TRIM2: variants seen among roughly 807,000 people sequenced by gnomAD.
TRIM2 encodes the protein tripartite motif-containing protein 2.
Under a neutral mutation model 75.2 loss-of-function variants are expected in TRIM2, and 20 were observed. The ratio of observed to expected loss-of-function variants is 0.27; its 90% CI spans 0.19 to 0.39. The LOEUF (loss-of-function observed/expected upper bound fraction) is 0.39. TRIM2 is among the 10% of genes least tolerant of loss of function. TRIM2 has a pLI of 1.00. For missense variants in TRIM2, 660 were observed against 990.8 expected, an observed-to-expected ratio of 0.67 and a Z score of 4.48; for synonymous variants, 373 against 388.3, an observed-to-expected ratio of 0.96 and a Z score of 0.46.
intron 1 of TRIM2, among the ~76,000 whole-genome samples, chr4:153,168,075 A>G (rs915826284): frequency 6.6e-6 from 1 of 152,204 alleles, no homozygotes; most frequent in Non-Finnish European, 1.5e-5. Context: ...AGCTACTTAT[A>G]AGTAAACATT....
Position 153,167,215 on chromosome 4 carries a change from G to A in TRIM2, c.-49+13945G>A, listed in dbSNP as rs368174934. Among the ~76,000 whole-genome samples the A allele has an allele frequency of 4.6e-5, 7 of 152,128 alleles. No homozygotes were observed. The South Asian group carries it at 8.3e-4, about 18-fold the overall frequency. On this transcript the variant is annotated intron_variant, in intron 1 of 11. Transcript: ENST00000437508. ...TTTGGATTTTATTTCTTTTCTTCACGGTCTATTAGTTTTGTACTGTAAGAA... is the reference window on the plus strand; with the variant it reads ...TTTGGATTTTATTTCTTTTCTTCACAGTCTATTAGTTTTGTACTGTAAGAA...
At chr4:153,159,158 C>A (rs776032064) in intron 1 of TRIM2, among the ~76,000 whole-genome samples, 1 of 152,212 alleles carries the variant, frequency 6.6e-6, no homozygotes, top group Non-Finnish European at 1.5e-5. Context: ...TAAAACGGAA[C>A]TGTATCTTAC....
chr4:153,160,967 C>A (rs927239719), intron 1 of TRIM2, among the ~76,000 whole-genome samples: 9 of 152,052 alleles, frequency 5.9e-5, no homozygotes, highest in African/African-American at 2.2e-4. Flanking sequence ...GGCTCACAAA[C>A]AATAATGACT....
intron 3 of TRIM2, among the ~76,000 whole-genome samples, chr4:153,284,518 G>A (rs1270884579): frequency 6.6e-6 from 1 of 152,232 alleles, no homozygotes; most frequent in African/African-American, 2.4e-5. Flanking sequence ...ACCACCAACT[G>A]TTTTCACAGT....
intron 1 of TRIM2, among the ~76,000 whole-genome samples, chr4:153,191,807 G>A (rs934893425): frequency 6.6e-6 from 1 of 152,136 alleles, no homozygotes; most frequent in African/African-American, 2.4e-5. Context: ...TGTTTAACAA[G>A]CCTTCCTATA....
At chr4:153,183,977 G>T (rs1456008764) in intron 1 of TRIM2, among the ~76,000 whole-genome samples, 1 of 152,132 alleles carries the variant, frequency 6.6e-6, no homozygotes, top group South Asian at 2.1e-4. Flanking sequence ...ACCTCATAGG[G>T]ATTAAATGGG....
intron 6 of TRIM2, chr4:153,308,512 A>AAAAAGTT (rs1765517974): frequency 7.9e-6 from 6 of 758,468 alleles, no homozygotes; most frequent in Non-Finnish European, 1.5e-5. Flanking sequence ...AAGTGCTGAT[A>AAAAAGTT]CAAGTTCCTT....
intron 1 of TRIM2, among the ~76,000 whole-genome samples, chr4:153,256,044 A>G (rs1579038300): frequency 6.6e-6 from 1 of 152,318 alleles, no homozygotes; most frequent in Non-Finnish European, 1.5e-5. Flanking sequence ...CTGTGGTAAT[A>G]GTTGCCCACA....
intron 1 of TRIM2, among the ~76,000 whole-genome samples, chr4:153,165,238 G>C (rs1054973327): frequency 6.6e-6 from 1 of 152,050 alleles, no homozygotes; most frequent in Non-Finnish European, 1.5e-5. Context: ...TCCTTGCTTG[G>C]TTTAATTCTG....
intron 1 of TRIM2, among the ~76,000 whole-genome samples, chr4:153,267,729 T>C (rs1010510176): frequency 6.6e-6 from 1 of 151,582 alleles, no homozygotes; most frequent in Non-Finnish European, 1.5e-5. Context: ...ATTAAACCTC[T>C]TTTCTTTCCT....
At chr4:153,322,280 G>T (rs529069742) in intron 8 of TRIM2, among the ~76,000 whole-genome samples, 2 of 152,118 alleles carry the variant, frequency 1.3e-5, no homozygotes, top group East Asian at 3.9e-4. Flanking sequence ...GCATGGTGGT[G>T]CACGCCTGTA....
intron 1 of TRIM2, among the ~76,000 whole-genome samples, chr4:153,226,087 C>T (rs1378597491): frequency 2.0e-5 from 3 of 152,130 alleles, no homozygotes; most frequent in African/African-American, 7.2e-5. Context: ...CCCAAGCTGT[C>T]CTTGAGCTCC....
Position 153,244,316 on chromosome 4 carries a change from C to T in TRIM2, c.31-26019C>T, listed in dbSNP as rs369725714. ...CCTCCTCCTCCTCCTCCTCCTCCTC[C>T]TCCTCTTCTTCTTCTTCTTCTTCTT... On this transcript the variant is annotated intron_variant, in intron 1 of 11. Coordinates refer to ENST00000338700, the MANE Select transcript of TRIM2 (RefSeq NM_015271.5). Among the ~76,000 whole-genome samples the T allele has an allele frequency of 5.7e-3, 149 of 26,338 alleles. 15 individuals carry two copies. The highest frequency in any genetic ancestry group is 0.011 in the South Asian group (5 of 464). 17.3% of individuals were successfully genotyped at this position (26,338 alleles called of 152,430 possible). A position where few individuals can be genotyped will look rare whatever the true frequency, so the allele number is the denominator to read the frequency against.
intron 1 of TRIM2, among the ~76,000 whole-genome samples, chr4:153,187,494 G>A (rs1358276464): frequency 6.6e-6 from 1 of 152,188 alleles, no homozygotes; most frequent in Admixed American, 6.5e-5. Flanking sequence ...AATACTGAGA[G>A]AGCTTGATGC....
At chr4:153,175,624 A>G (rs1731357581) in intron 1 of TRIM2, among the ~76,000 whole-genome samples, 2 of 152,186 alleles carry the variant, frequency 1.3e-5, no homozygotes, top group African/African-American at 4.8e-5. Flanking sequence ...GCAATAGGCT[A>G]CATATGCAAC....
At chr4:153,188,212 C>T (rs1732811645) in intron 1 of TRIM2, among the ~76,000 whole-genome samples, 1 of 152,190 alleles carries the variant, frequency 6.6e-6, no homozygotes, top group Non-Finnish European at 1.5e-5. Context: ...GTAATCCTAA[C>T]ACCTTGGGAG....
intron 10 of TRIM2, among the ~76,000 whole-genome samples, chr4:153,324,805 G>A (rs1769800615): frequency 6.6e-6 from 1 of 152,196 alleles, no homozygotes; most frequent in Non-Finnish European, 1.5e-5. Context: ...TTCTCAAGGT[G>A]TGATGCATGT....
intron 1 of TRIM2, among the ~76,000 whole-genome samples, chr4:153,260,223 C>A (rs912145310): frequency 6.6e-6 from 1 of 151,996 alleles, no homozygotes; most frequent in Non-Finnish European, 1.5e-5. Context: ...TTTGTGGTCC[C>A]AGAATACTTA....
At chr4:153,268,372 T>TG (rs60222085) in intron 1 of TRIM2, among the ~76,000 whole-genome samples, 80,090 of 151,934 alleles carry the variant, frequency 0.53, 22,202 homozygotes, top group African/African-American at 0.7. Flanking sequence ...TTATCAATTT[T>TG]TTTCAGAGTC....
Sources: allele counts gnomAD v4.1 joint callset (sites outside exome capture counted in the v4.1 genomes callset), GRCh38; gene constraint gnomAD v4.1.1; transcripts MANE v1.5; gene names NCBI Gene and HGNC (gene_info 2026-07-23, HGNC 2026-07-21).